CDH13: variants seen among roughly 807,000 people sequenced by gnomAD.
CDH13 encodes cadherin-13.
In CDH13, 24 loss-of-function variants were observed where a neutral mutation model predicts 63.8. That is an observed-to-expected ratio of 0.38 (90% CI 0.27 to 0.53). The LOEUF (loss-of-function observed/expected upper bound fraction) is 0.53, where lower values mean the gene tolerates loss of function less well. Among genes scored for constraint, CDH13 ranks in the 20% least tolerant of loss-of-function variants. The pLI, the probability that CDH13 is intolerant of heterozygous loss-of-function variation, is 0.85. For synonymous variants in CDH13, 503 were observed against 355.3 expected (o/e 1.42, Z -4.67); for missense variants, 1,049 against 903.1 (o/e 1.16, Z -2.07).
intron 7 of CDH13, among the ~76,000 whole-genome samples, chr16:83,516,449 A>G (rs1489626986): frequency 6.6e-6 from 1 of 152,210 alleles, no homozygotes; most frequent in Admixed American, 6.5e-5. Flanking sequence ...GAAGCCAAGG[A>G]TCTGATTTTA....
chr16:83,149,626 A>G (rs7191477), intron 4 of CDH13, among the ~76,000 whole-genome samples: 8,012 of 152,262 alleles, frequency 0.053, 687 homozygotes, highest in African/African-American at 0.18. Context: ...AACATTCAAA[A>G]CAGTGGGAAT....
intron 4 of CDH13, among the ~76,000 whole-genome samples, chr16:83,204,172 C>G (rs1318191036): frequency 6.6e-6 from 1 of 152,192 alleles, no homozygotes; most frequent in Non-Finnish European, 1.5e-5. Flanking sequence ...GTTGGGTCTA[C>G]TGGGTTGAGT....
chr16:83,630,881 G>T (rs1910719437), intron 8 of CDH13, among the ~76,000 whole-genome samples: 1 of 152,162 alleles, frequency 6.6e-6, no homozygotes, highest in African/African-American at 2.4e-5. Context: ...GCCTCCCATA[G>T]GTCCCAGCTA....
At chr16:83,357,153 G>A (rs887916724) in intron 6 of CDH13, among the ~76,000 whole-genome samples, 5 of 152,122 alleles carry the variant, frequency 3.3e-5, no homozygotes, top group Non-Finnish European at 5.9e-5. Flanking sequence ...TCGCTGGCCT[G>A]TTTCCCTGGC....
At chr16:83,462,221 C>T (rs1037766157) in intron 6 of CDH13, among the ~76,000 whole-genome samples, 1 of 152,232 alleles carries the variant, frequency 6.6e-6, no homozygotes, top group Non-Finnish European at 1.5e-5. Flanking sequence ...TCAGCAGGAC[C>T]TGTCTCTGCT....
chr16:82,937,231 G>C (rs527548113), intron 2 of CDH13, among the ~76,000 whole-genome samples: 11 of 152,224 alleles, frequency 7.2e-5, no homozygotes, highest in African/African-American at 2.6e-4. Flanking sequence ...CGTGACTCAT[G>C]CTAGGTGCTA....
chr16:82,739,689 A>G (rs1393412052), intron 1 of CDH13, among the ~76,000 whole-genome samples: 1 of 152,230 alleles, frequency 6.6e-6, no homozygotes, highest in African/African-American at 2.4e-5. Context: ...CCTTGTCTCT[A>G]CAAAAGAAAA....
At position 83,032,084 on chromosome 16, in the gene CDH13, G is replaced by C. The variant is rs145871512; in HGVS notation, c.232G>C (p.Asp78His). The C allele has an allele frequency of 6.2e-7, 1 of 1,612,508 alleles. No individual in the cohort carries two copies. The highest frequency in any genetic ancestry group is 8.5e-7 in the Non-Finnish European group (1 of 1,179,336). Residue 78 changes from aspartate (D) to histidine (H), a missense_variant, in exon 3 of 14, where the codon GAT becomes CAT. Coordinates refer to ENST00000567109, the MANE Select transcript of CDH13 (RefSeq NM_001257.5). Reference protein sequence around the residue: ...VSSPYFKVNSDGGLVALRNIT... With the variant: ...VSSPYFKVNSHGGLVALRNIT... Reference sequence around the variant, plus strand: ...GAGCCCATACTTCAAGGTGAACAGCGATGGCGGCTTAGTTGCTCTGAGAAA... The same window carrying C: ...GAGCCCATACTTCAAGGTGAACAGCCATGGCGGCTTAGTTGCTCTGAGAAA...
chr16:83,751,074 T>C lies in CDH13; in HGVS notation c.1681+2824T>C, dbSNP rs543464301. 1.6e-4 allele frequency among the ~76,000 whole-genome samples: 25 copies of C among 152,034 alleles called. No homozygotes were observed. In the East Asian group the frequency reaches 4.5e-3, roughly 27 times the overall value. ...AGTGGAAGCTAGCATGGCAGGTTCT[T>C]TGTGTGCAAAGATAAGGGCAGAGAA... is the stretch of plus-strand genomic sequence containing the variant. On this transcript the variant is annotated intron_variant, in intron 11 of 13. Coordinates refer to ENST00000567109, the MANE Select transcript of CDH13 (RefSeq NM_001257.5).
At position 83,509,537 on chromosome 16, in the gene CDH13, T is replaced by G. The variant is rs556357755; in HGVS notation, c.960+22882T>G. ...AAACTTTATTTACAAAAGCAGATGGTGGGCCAGATTTGTCCCATTAGCTGT... is the reference window on the plus strand; with the variant it reads ...AAACTTTATTTACAAAAGCAGATGGGGGGCCAGATTTGTCCCATTAGCTGT... On this transcript the variant is annotated intron_variant, in intron 7 of 13. Coordinates refer to ENST00000567109, the MANE Select transcript of CDH13 (RefSeq NM_001257.5). Among the ~76,000 whole-genome samples the G allele has an allele frequency of 1.4e-3, 210 of 152,270 alleles. 5 individuals carry two copies. In the South Asian group the frequency reaches 0.04, roughly 29 times the overall value.
chr16:83,052,025 A>G (rs1350556103), intron 3 of CDH13, among the ~76,000 whole-genome samples: 2 of 152,218 alleles, frequency 1.3e-5, no homozygotes, highest in Non-Finnish European at 2.9e-5. Flanking sequence ...TAAGAGAAGG[A>G]AAATGGTTAG....
At chr16:82,910,135 G>A (rs542223970) in intron 2 of CDH13, among the ~76,000 whole-genome samples, 5 of 152,292 alleles carry the variant, frequency 3.3e-5, no homozygotes, top group Non-Finnish European at 4.4e-5. Flanking sequence ...AGTCATCTGT[G>A]TCCCTGGGTG....
At chr16:83,373,062 G>T (rs1180508427) in intron 6 of CDH13, among the ~76,000 whole-genome samples, 1 of 152,186 alleles carries the variant, frequency 6.6e-6, no homozygotes, top group Non-Finnish European at 1.5e-5. Flanking sequence ...TCTATCACCA[G>T]TTTTAAAGTT....
At chr16:83,393,456 C>G (rs1460514957) in intron 6 of CDH13, among the ~76,000 whole-genome samples, 1 of 152,174 alleles carries the variant, frequency 6.6e-6, no homozygotes, top group Non-Finnish European at 1.5e-5. Context: ...GAATTTCTGT[C>G]ACAATCTGCT....
chr16:83,631,296 C>A (rs576835282), intron 8 of CDH13, among the ~76,000 whole-genome samples: 4 of 152,240 alleles, frequency 2.6e-5, no homozygotes, highest in Non-Finnish European at 4.4e-5. Context: ...TGGAAAACTG[C>A]CCTGTGTCCA....
chr16:82,690,735 T>TA (rs1915564314), intron 1 of CDH13, among the ~76,000 whole-genome samples: 1 of 152,230 alleles, frequency 6.6e-6, no homozygotes, highest in Non-Finnish European at 1.5e-5. Context: ...ATGGTAGATA[T>TA]CCTTATGCAT....
intron 2 of CDH13, among the ~76,000 whole-genome samples, chr16:82,863,505 C>T (rs1597835155): frequency 6.6e-6 from 1 of 152,148 alleles, no homozygotes; most frequent in Non-Finnish European, 1.5e-5. Flanking sequence ...AGCTCTGTGG[C>T]CATGAGTGAG....
chr16:82,700,527 G>C (rs1038560532), intron 1 of CDH13, among the ~76,000 whole-genome samples: 3 of 148,466 alleles, frequency 2.0e-5, no homozygotes, highest in Non-Finnish European at 4.5e-5. Context: ...GTAAGTGTGT[G>C]TGTGTGTGTG....
intron 8 of CDH13, among the ~76,000 whole-genome samples, chr16:83,643,166 G>A (rs1415265083): frequency 1.5e-5 from 1 of 68,158 alleles, no homozygotes; most frequent in Non-Finnish European, 2.7e-5. Context: ...ATAGCATTGG[G>A]AGATATACCT....
Sources: gnomAD v4.1 joint callset for allele counts (sites outside exome capture counted in the v4.1 genomes callset) on GRCh38, gnomAD v4.1.1 for gene constraint, MANE v1.5 for transcripts, NCBI Gene and HGNC (gene_info 2026-07-23, HGNC 2026-07-21) for gene names.